Variants in CDH2 observed in about 807,000 individuals in gnomAD.
The protein encoded by CDH2 is cadherin-2.
In CDH2, 17 loss-of-function variants were observed where a neutral mutation model predicts 92.0. That is an observed-to-expected ratio of 0.18 (90% CI 0.13 to 0.28). The LOEUF (loss-of-function observed/expected upper bound fraction) is 0.28, where lower values mean the gene tolerates loss of function less well. CDH2 is among the 10% of genes least tolerant of loss of function. CDH2 has a pLI of 1.00. For synonymous variants in CDH2, 419 were observed against 415.9 expected (o/e 1.01, Z -0.09); for missense variants, 862 against 1,133.1 (o/e 0.76, Z 3.44).
intron 2 of CDH2, among the ~76,000 whole-genome samples, chr18:28,099,943 C>A (rs939880264): frequency 6.6e-6 from 1 of 152,078 alleles, no homozygotes; most frequent in African/African-American, 2.4e-5. Context: ...CCAGCAAAAA[C>A]AGAAGTTTTT....
At chr18:28,145,524 G>A (rs1324820517) in intron 2 of CDH2, among the ~76,000 whole-genome samples, 2 of 151,968 alleles carry the variant, frequency 1.3e-5, no homozygotes, top group East Asian at 1.9e-4. Context: ...TGGCTTCAGT[G>A]TATAGCTATA....
intron 14 of CDH2, among the ~76,000 whole-genome samples, chr18:27,981,551 A>C (rs985140334): frequency 6.6e-6 from 1 of 152,184 alleles, no homozygotes; most frequent in African/African-American, 2.4e-5. Flanking sequence ...TGAGGCCTTG[A>C]GTCCTGGCTC....
At chr18:27,993,727 G>A in intron 7 of CDH2, 90 bp from the exon 8 acceptor site, 1 of 937,456 alleles carries the variant, frequency 1.1e-6, no homozygotes, top group Non-Finnish European at 1.7e-6. Flanking sequence ...TATAATGCAA[G>A]GAGAGCATGG....
chr18:27,969,054 T>C (rs796256378), intron 14 of CDH2, among the ~76,000 whole-genome samples: 5 of 152,320 alleles, frequency 3.3e-5, no homozygotes, highest in African/African-American at 1.2e-4. Context: ...GTAAATTACA[T>C]TACGACCTGA....
rs746795245 is a variant in CDH2, at chr18:27,952,258, G to A, written c.2616C>T (p.Ser872=). The A allele has an allele frequency of 1.9e-6, 3 of 1,613,476 alleles. No homozygotes were observed. The highest frequency in any genetic ancestry group is 1.7e-5 in the Admixed American group (1 of 59,912). The change falls in exon 16 of 16, where the codon TCC becomes TCT. Residue 872 remains serine, a synonymous_variant. Coordinates refer to ENST00000269141, the MANE Select transcript of CDH2 (RefSeq NM_001792.5). ...CACCACCACTACTTGAGGAATTAAGGGAGCTCAAGGACCCAGCAGTGGAGC... is the reference window on the plus strand; with the variant it reads ...CACCACCACTACTTGAGGAATTAAGAGAGCTCAAGGACCCAGCAGTGGAGC... ...GSGSTAGSLS[S]LNSSSSGGEQ...
chr18:28,036,346 C>A, intron 2 of CDH2: 1 of 662,902 alleles, frequency 1.5e-6, no homozygotes, highest in Non-Finnish European at 2.7e-6. Context: ...TTCACATAAG[C>A]ATTAAATTCC....
At chr18:28,061,318 G>A (rs1003683049) in intron 2 of CDH2, among the ~76,000 whole-genome samples, 2 of 152,094 alleles carry the variant, frequency 1.3e-5, no homozygotes, top group Non-Finnish European at 2.9e-5. Context: ...TTTATTAAGT[G>A]TACTTCCCTC....
intron 12 of CDH2, 84 bp from the exon 13 acceptor site, chr18:27,985,317 C>G: frequency 1.2e-6 from 1 of 865,426 alleles, no homozygotes; most frequent in Admixed American, 2.2e-5. Flanking sequence ...GATGTATTTA[C>G]TACCTAATAG....
At position 28,176,975 on chromosome 18, in the gene CDH2, C is replaced by G. The variant is rs1266791766; in HGVS notation, c.48G>C (p.Ala16=). 2 of 1,434,980 alleles carry G rather than the reference C, an allele frequency of 1.4e-6. No individual in the cohort carries two copies. The highest frequency in any genetic ancestry group is 1.8e-6 in the Non-Finnish European group (2 of 1,092,870). 88.9% of individuals were successfully genotyped at this position (1,434,980 alleles called of 1,614,324 possible). Residue 16 remains alanine (A), a synonymous_variant, in exon 1 of 16, where the codon GCG becomes GCC. Transcript: ENST00000269141. The part of the protein sequence containing the change: ...GALRTLLPLL[A]ALLQASVEAS... ...GACCGCCGCGTACCTGAAGCAGGGC[C>G]GCCAGCAGCGGCAGCAGGGTCCGCA... is the stretch of plus-strand genomic sequence containing the variant.
chr18:28,120,840 G>T (rs1044138864), intron 2 of CDH2, among the ~76,000 whole-genome samples: 2 of 152,118 alleles, frequency 1.3e-5, no homozygotes, highest in African/African-American at 4.8e-5. Context: ...TAAGTTGTTT[G>T]TTGTTGTTTT....
chr18:27,974,694 C>G (rs1350374846), intron 14 of CDH2, among the ~76,000 whole-genome samples: 1 of 152,120 alleles, frequency 6.6e-6, no homozygotes, highest in Admixed American at 6.5e-5. Flanking sequence ...GTGATTAGGT[C>G]ATGAGGGTGG....
intron 2 of CDH2, chr18:28,146,335 G>A (rs1421318049): frequency 2.0e-5 from 3 of 152,080 alleles, no homozygotes; most frequent in African/African-American, 4.8e-5. Flanking sequence ...AGGGTGCCAA[G>A]TAATAATTTA....
intron 15 of CDH2, among the ~76,000 whole-genome samples, chr18:27,952,595 G>C (rs941028425): frequency 1.3e-5 from 2 of 152,074 alleles, no homozygotes; most frequent in Non-Finnish European, 2.9e-5. Flanking sequence ...AGCTCAGGGA[G>C]GCCAAGGCTT....
intron 1 of CDH2, among the ~76,000 whole-genome samples, chr18:28,158,743 A>T (rs555787362): frequency 1.3e-5 from 2 of 152,278 alleles, no homozygotes; most frequent in South Asian, 2.1e-4. Context: ...AGTGTAAAGT[A>T]AAGTTTTCCA....
chr18:28,122,353 T>C (rs184682413), intron 2 of CDH2, among the ~76,000 whole-genome samples: 5 of 152,294 alleles, frequency 3.3e-5, no homozygotes, highest in South Asian at 2.1e-4. Context: ...TGTTGTACTA[T>C]GGTATTTGTG....
intron 2 of CDH2, among the ~76,000 whole-genome samples, chr18:28,068,809 C>T (rs978215920): frequency 2.0e-5 from 3 of 152,164 alleles, no homozygotes; most frequent in Non-Finnish European, 2.9e-5. Flanking sequence ...AGATCCCATG[C>T]TATTTTAGAT....
At chr18:27,985,851 T>C (rs1011246961) in intron 11 of CDH2, 90 bp from the exon 12 acceptor site, 4 of 780,894 alleles carry the variant, frequency 5.1e-6, no homozygotes, top group Non-Finnish European at 6.2e-6. Flanking sequence ...TCTAACCTTC[T>C]GGCCCTTTTA....
intron 2 of CDH2, among the ~76,000 whole-genome samples, chr18:28,067,909 C>T (rs1328228488): frequency 6.6e-6 from 1 of 152,054 alleles, no homozygotes. Flanking sequence ...TATAATGAGA[C>T]AAGACTATTT....
At chr18:28,079,480 C>T (rs555528778) in intron 2 of CDH2, among the ~76,000 whole-genome samples, 2 of 152,254 alleles carry the variant, frequency 1.3e-5, no homozygotes, top group East Asian at 3.9e-4. Context: ...TAAGTGTCTT[C>T]CCTTGATGCA....
Sources: gnomAD v4.1 joint callset for allele counts (sites outside exome capture counted in the v4.1 genomes callset) on GRCh38, gnomAD v4.1.1 for gene constraint, MANE v1.5 for transcripts, NCBI Gene and HGNC (gene_info 2026-07-23, HGNC 2026-07-21) for gene names.